Variants in LIMS1 observed in about 807,000 individuals in gnomAD.
The protein encoded by LIMS1 is LIM zinc finger domain containing 1.
LIMS1 carries 18 observed loss-of-function variants against 44.1 expected under a neutral mutation model. That is an observed-to-expected ratio of 0.41 (90% CI 0.28 to 0.61). The LOEUF (loss-of-function observed/expected upper bound fraction) is 0.61, where lower values mean the gene tolerates loss of function less well. Among genes scored for constraint, LIMS1 ranks in the 20% least tolerant of loss-of-function variants. The pLI, the probability that LIMS1 is intolerant of heterozygous loss-of-function variation, is 0.32. For missense variants in LIMS1, 201 were observed against 422.0 expected, an observed-to-expected ratio of 0.48 and a Z score of 4.59; for synonymous variants, 93 against 149.1, an observed-to-expected ratio of 0.62 and a Z score of 2.74.
At chr2:108,675,276 CCTT>C (rs1280651359) in intron 5 of LIMS1, among the ~76,000 whole-genome samples, 4 of 151,128 alleles carry the variant, frequency 2.6e-5, no homozygotes, top group African/African-American at 9.7e-5. Context: ...CTGGTGAGGA[CCTT>C]CTTCTGCATC....
At chr2:108,642,648 C>T (rs748672962) in intron 1 of LIMS1, among the ~76,000 whole-genome samples, 57 of 152,156 alleles carry the variant, frequency 3.7e-4, no homozygotes, top group Non-Finnish European at 7.4e-4. Context: ...CGTGAGCCAC[C>T]GCGCCCGGCC....
At chr2:108,595,185 G>A (rs1045876241) in intron 1 of LIMS1, among the ~76,000 whole-genome samples, 1 of 152,144 alleles carries the variant, frequency 6.6e-6, no homozygotes, top group African/African-American at 2.4e-5. Context: ...ACTGCTAGAT[G>A]CTGAACCGTA....
intron 1 of LIMS1, among the ~76,000 whole-genome samples, chr2:108,617,146 T>C (rs1455209977): frequency 1.3e-5 from 2 of 152,216 alleles, no homozygotes; most frequent in Non-Finnish European, 2.9e-5. Flanking sequence ...GGAAACCAGC[T>C]TGCAGCTTTC....
At chr2:108,555,257 A>G (rs1011563301) in intron 1 of LIMS1, among the ~76,000 whole-genome samples, 3 of 152,172 alleles carry the variant, frequency 2.0e-5, no homozygotes, top group African/African-American at 4.8e-5. Flanking sequence ...AGAGCAAATA[A>G]TGAAGCATAG....
chr2:108,675,071 G>A (rs143358221), intron 5 of LIMS1, among the ~76,000 whole-genome samples: 1 of 152,040 alleles, frequency 6.6e-6, no homozygotes, highest in African/African-American at 2.4e-5. Context: ...ATTTTCAACA[G>A]CTTGTGACAA....
chr2:108,672,833 A>G, intron 4 of LIMS1, 47 bp from the exon 5 acceptor site: 1 of 527,296 alleles, frequency 1.9e-6, no homozygotes. Flanking sequence ...CTTTTTAACC[A>G]TTAGAAAGAA....
At chr2:108,582,779 A>G (rs370363554) in intron 1 of LIMS1, among the ~76,000 whole-genome samples, 1 of 152,184 alleles carries the variant, frequency 6.6e-6, no homozygotes, top group Non-Finnish European at 1.5e-5. Flanking sequence ...GTCTCAAAAT[A>G]AAAATAAAAA....
chr2:108,610,147 AATGTGTGTGTGTGTGTGTGTGTGTGT>A (rs1687515784), intron 1 of LIMS1, among the ~76,000 whole-genome samples: 1 of 122,520 alleles, frequency 8.2e-6, no homozygotes, highest in African/African-American at 3.4e-5. Flanking sequence ...TGTTACAAAA[AATGTGTGTGTGTGTGTGTGTGTGTGT>A]GTGTGTGTGT....
chr2:108,619,573 A>G (rs1300559847), intron 1 of LIMS1, among the ~76,000 whole-genome samples: 1 of 152,110 alleles, frequency 6.6e-6, no homozygotes, highest in African/African-American at 2.4e-5. Flanking sequence ...AATCCCAGCT[A>G]CTGGGGAGGC....
intron 2 of LIMS1, among the ~76,000 whole-genome samples, chr2:108,667,968 G>A (rs895141403): frequency 6.6e-6 from 1 of 151,912 alleles, no homozygotes; most frequent in Non-Finnish European, 1.5e-5. Context: ...TATTGTTTGG[G>A]GTTTTTTCTT....
At chr2:108,645,762 A>G (rs1013551704) in intron 1 of LIMS1, among the ~76,000 whole-genome samples, 34 of 152,086 alleles carry the variant, frequency 2.2e-4, no homozygotes, top group African/African-American at 8.2e-4. Context: ...CCACGTGGAG[A>G]GACACACATA....
At chr2:108,546,269 C>CTTTTT (rs35959257) in intron 1 of LIMS1, among the ~76,000 whole-genome samples, 1,330 of 90,818 alleles carry the variant, frequency 0.015, 98 homozygotes, top group East Asian at 0.057. Context: ...AGGCTACCGC[C>CTTTTT]TTTTTTTTTT....
chr2:108,585,447 AG>A (rs935064080), intron 1 of LIMS1, among the ~76,000 whole-genome samples: 2 of 151,982 alleles, frequency 1.3e-5, no homozygotes, highest in African/African-American at 4.8e-5. Flanking sequence ...AGTTTATTTT[AG>A]GCATCATGAG....
intron 1 of LIMS1, among the ~76,000 whole-genome samples, chr2:108,637,282 T>C (rs1297554809): frequency 6.6e-6 from 1 of 152,082 alleles, no homozygotes; most frequent in Non-Finnish European, 1.5e-5. Flanking sequence ...TTTGAAAAGG[T>C]TCATTGTTTT....
At chr2:108,627,820 ATCT>A (rs1688668071) in intron 1 of LIMS1, among the ~76,000 whole-genome samples, 2 of 152,248 alleles carry the variant, frequency 1.3e-5, no homozygotes, top group African/African-American at 4.8e-5. Context: ...ATTTAAAAAA[ATCT>A]TCTTTTAGAA....
intron 1 of LIMS1, among the ~76,000 whole-genome samples, chr2:108,538,679 T>C (rs1259559466): frequency 6.6e-6 from 1 of 152,234 alleles, no homozygotes; most frequent in Non-Finnish European, 1.5e-5. Flanking sequence ...TATTCTGCAA[T>C]TGCTTTTTTT....
chr2:108,584,909 C>T (rs1686033501), intron 1 of LIMS1, among the ~76,000 whole-genome samples: 1 of 151,948 alleles, frequency 6.6e-6, no homozygotes, highest in South Asian at 2.1e-4. Context: ...CCCAGCACTT[C>T]GGGAGGCCAA....
chr2:108,559,795 A>G (rs1685050539), intron 1 of LIMS1, among the ~76,000 whole-genome samples: 2 of 152,176 alleles, frequency 1.3e-5, no homozygotes, highest in Non-Finnish European at 2.9e-5. Flanking sequence ...TGAGTTGATC[A>G]ACATTTAAAC....
intron 1 of LIMS1, among the ~76,000 whole-genome samples, chr2:108,534,871 T>C (rs1287702762): frequency 1.3e-5 from 2 of 152,174 alleles, no homozygotes; most frequent in Admixed American, 1.3e-4. Context: ...AAATCAGTAT[T>C]TGCCGAGCTA....
Sources: gnomAD v4.1 joint callset for allele counts (sites outside exome capture counted in the v4.1 genomes callset) on GRCh38, gnomAD v4.1.1 for gene constraint, MANE v1.5 for transcripts, NCBI Gene and HGNC (gene_info 2026-07-23, HGNC 2026-07-21) for gene names.